Variants in ARHGAP28 observed in about 807,000 individuals in gnomAD.
ARHGAP28 encodes the protein Rho GTPase activating protein 28.
In ARHGAP28, 56 loss-of-function variants were observed where a neutral mutation model predicts 90.7. That is an observed-to-expected ratio of 0.62 (90% CI 0.50 to 0.77). The LOEUF (loss-of-function observed/expected upper bound fraction) is 0.77. Ranked by LOEUF, ARHGAP28 falls within the 30% of genes least tolerant of loss-of-function variation. The probability of loss-of-function intolerance (pLI) is 0.00; values close to 1 mark genes in which losing one functional copy is unlikely to be tolerated. For synonymous variants in ARHGAP28, 308 were observed against 323.3 expected, an observed-to-expected ratio of 0.95 and a Z score of 0.51; for missense variants, 869 against 900.9, an observed-to-expected ratio of 0.96 and a Z score of 0.45.
chr18:6,885,625 C>T lies in ARHGAP28; in HGVS notation c.1454-1532C>T, dbSNP rs116076302. Reference sequence around the variant, plus strand: ...GACGGGGATGTATTAAATGAATTAACTACAAAACTATTAATCACAAAACAG... The same window carrying T: ...GACGGGGATGTATTAAATGAATTAATTACAAAACTATTAATCACAAAACAG... On this transcript the variant is annotated intron_variant, in intron 11 of 17. Coordinates refer to ENST00000383472, the MANE Select transcript of ARHGAP28 (RefSeq NM_001366230.1). 8.3e-3 allele frequency among the ~76,000 whole-genome samples: 1,266 copies of T among 152,224 alleles called. 16 individuals carry two copies. Among genetic ancestry groups the T allele is most frequent in the African/African-American group, 0.029 (1,217 of 41,530 alleles).
intron 1 of ARHGAP28, among the ~76,000 whole-genome samples, chr18:6,772,264 A>T (rs949894713): frequency 2.6e-5 from 4 of 152,206 alleles, no homozygotes; most frequent in South Asian, 2.1e-4. Context: ...TCTTAATAGT[A>T]TGTTTCAACT....
At chr18:6,847,977 T>C (rs2056879646) in intron 3 of ARHGAP28, among the ~76,000 whole-genome samples, 1 of 152,136 alleles carries the variant, frequency 6.6e-6, no homozygotes, top group African/African-American at 2.4e-5. Context: ...ACAAACTGTT[T>C]CTACCAGGAA....
At chr18:6,841,208 C>CTCCTCTTTCTCTCTCTCTCTCTCT (rs1555631529) in intron 3 of ARHGAP28, among the ~76,000 whole-genome samples, 1 of 43,136 alleles carries the variant, frequency 2.3e-5, no homozygotes, top group Non-Finnish European at 4.5e-5. Context: ...TCTCTCCTCT[C>CTCCTCTTTCTCTCTCTCTCTCTCT]CTCTCTCTCT....
chr18:6,901,839 C>T (rs1486516608), intron 16 of ARHGAP28, among the ~76,000 whole-genome samples: 1 of 152,070 alleles, frequency 6.6e-6, no homozygotes, highest in Non-Finnish European at 1.5e-5. Flanking sequence ...TTCAGGAGTC[C>T]AGAAGTCTGA....
chr18:6,876,335 C>T (rs1016523322), intron 10 of ARHGAP28, 127 bp downstream of exon 10: 3 of 619,692 alleles, frequency 4.8e-6, no homozygotes, highest in Non-Finnish European at 8.4e-6. Context: ...TCCTAGTATT[C>T]CTTGGTACCT....
Position 6,873,420 on chromosome 18 carries a change from T to G in ARHGAP28, c.966T>G (p.Val322=). 1 of 1,601,500 alleles carries G rather than the reference T, an allele frequency of 6.2e-7. No individual in the cohort carries two copies. The highest frequency in any genetic ancestry group is 8.5e-7 in the Non-Finnish European group (1 of 1,177,086). Residue 322 remains valine, a synonymous_variant, in exon 8 of 18, where the codon GTT becomes GTG. Coordinates refer to ENST00000383472, the MANE Select transcript of ARHGAP28 (RefSeq NM_001366230.1). ...ACTGTGTGTTTTAGAAATTTAATGTTCAGAAAACCAGATTTGGCTTAACTG... is the reference window on the plus strand; with the variant it reads ...ACTGTGTGTTTTAGAAATTTAATGTGCAGAAAACCAGATTTGGCTTAACTG... The part of the protein sequence containing the change: ...KEDYVLTKFN[V]QKTRFGLTEA...
At chr18:6,872,566 G>T (rs1048522443) in intron 7 of ARHGAP28, among the ~76,000 whole-genome samples, 10 of 151,768 alleles carry the variant, frequency 6.6e-5, no homozygotes, top group Non-Finnish European at 1.0e-4. Context: ...AATCTATGGG[G>T]TTTTTTTTGT....
intron 2 of ARHGAP28, 134 bp downstream of exon 2, chr18:6,825,098 C>A: frequency 2.3e-6 from 2 of 855,822 alleles, no homozygotes; most frequent in Non-Finnish European, 3.5e-6. Flanking sequence ...TATTGATGAT[C>A]TACTCCCACT....
chr18:6,733,693 A>T (rs1292621978), intron 1 of ARHGAP28, among the ~76,000 whole-genome samples: 1 of 152,198 alleles, frequency 6.6e-6, no homozygotes, highest in African/African-American at 2.4e-5. Context: ...TCAAGATACA[A>T]CATCTTTCTG....
intron 1 of ARHGAP28, among the ~76,000 whole-genome samples, chr18:6,768,592 G>A (rs897282359): frequency 6.6e-6 from 1 of 152,114 alleles, no homozygotes; most frequent in Non-Finnish European, 1.5e-5. Context: ...TTTCTGGGGG[G>A]TCAGGGGCTG....
At chr18:6,786,816 C>G (rs1600183264) in intron 1 of ARHGAP28, among the ~76,000 whole-genome samples, 2 of 151,856 alleles carry the variant, frequency 1.3e-5, no homozygotes, top group East Asian at 3.9e-4. Flanking sequence ...CCTAAAATAG[C>G]AAATTTTCTT....
At chr18:6,741,991 T>C (rs1480889761) in intron 1 of ARHGAP28, among the ~76,000 whole-genome samples, 2 of 152,042 alleles carry the variant, frequency 1.3e-5, no homozygotes, top group Non-Finnish European at 2.9e-5. Context: ...AGAAGGGTAA[T>C]GAAGTAGCTT....
At position 6,859,874 on chromosome 18, in the gene ARHGAP28, G is replaced by A; in HGVS notation, c.703G>A (p.Ala235Thr). ...DASQDKEGSF[A>T]VPRSDSVAIL... ...ATCCCAGGATAAAGAAGGGAGTTTT[G>A]CGGTTCCCAGGAGTGACTCTGTGGT... Residue 235 changes from alanine to threonine, a missense_variant, in exon 5 of 18, where the codon GCG (alanine) becomes ACG (threonine). By Grantham distance (58) the Ala-to-Thr change is moderately conservative (BLOSUM62 0). Coordinates refer to ENST00000383472, the MANE Select transcript of ARHGAP28 (RefSeq NM_001366230.1). 6.2e-7 allele frequency: 1 copy of A among 1,614,150 alleles called. No homozygotes were observed. Among genetic ancestry groups the A allele is most frequent in the Non-Finnish European group, 8.5e-7 (1 of 1,180,020 alleles).
At chr18:6,841,157 T>TC (rs2056808776) in intron 3 of ARHGAP28, among the ~76,000 whole-genome samples, 9 of 70,318 alleles carry the variant, frequency 1.3e-4, no homozygotes, top group African/African-American at 1.8e-4. Flanking sequence ...TCTCTCCTCT[T>TC]TCTCTCTCTC....
chr18:6,810,927 TG>T (rs34366887), intron 1 of ARHGAP28, among the ~76,000 whole-genome samples: 3 of 152,044 alleles, frequency 2.0e-5, no homozygotes, highest in Non-Finnish European at 2.9e-5. Context: ...ATAGTGGTCA[TG>T]GGGGTGGGGT....
At chr18:6,827,630 C>G (rs1327534171) in intron 2 of ARHGAP28, among the ~76,000 whole-genome samples, 5 of 74,402 alleles carry the variant, frequency 6.7e-5, no homozygotes, top group Admixed American at 1.3e-4. Context: ...GGCTGGCCGG[C>G]AGGGGGGCTG....
intron 1 of ARHGAP28, among the ~76,000 whole-genome samples, chr18:6,797,583 A>T (rs146221158): frequency 6.6e-6 from 1 of 151,966 alleles, no homozygotes; most frequent in Non-Finnish European, 1.5e-5. Flanking sequence ...CACTGCTTGG[A>T]ACAGCTTTCT....
chr18:6,770,200 A>T (rs1216491197), intron 1 of ARHGAP28, among the ~76,000 whole-genome samples: 2 of 152,248 alleles, frequency 1.3e-5, no homozygotes, highest in Non-Finnish European at 2.9e-5. Context: ...ATCTTCTCTT[A>T]CAAGACTGAT....
At chr18:6,824,515 C>T (rs916535655) in intron 1 of ARHGAP28, among the ~76,000 whole-genome samples, 1 of 151,892 alleles carries the variant, frequency 6.6e-6, no homozygotes, top group South Asian at 2.1e-4. Context: ...CCAGCCTGGG[C>T]AACAGAGCAA....
Sources: allele counts gnomAD v4.1 joint callset (sites outside exome capture counted in the v4.1 genomes callset), GRCh38; gene constraint gnomAD v4.1.1; transcripts MANE v1.5; gene names NCBI Gene and HGNC (gene_info 2026-07-23, HGNC 2026-07-21).